The following DNAAF6 variants were observed in gnomAD, a reference collection of about 807,000 sequenced individuals.
DNAAF6 encodes dynein axonemal assembly factor 6.
Under a neutral mutation model 13.7 loss-of-function variants are expected in DNAAF6, and 3 were observed. The ratio of observed to expected loss-of-function variants is 0.22; its 90% CI spans 0.10 to 0.56. DNAAF6 has a LOEUF of 0.56. Among genes scored for constraint, DNAAF6 ranks in the 20% least tolerant of loss-of-function variants. DNAAF6 has a pLI of 0.92. For synonymous variants in DNAAF6, 54 were observed against 49.2 expected (o/e 1.10, Z -0.41); for missense variants, 130 against 151.0 (o/e 0.86, Z 0.73).
chrX:107,218,537 A>G (rs1453620025), intron 3 of DNAAF6, among the ~76,000 whole-genome samples: 1 of 110,953 alleles, frequency 9.0e-6, no homozygotes, highest in African/African-American at 3.3e-5. Context: ...GGAGAGAGAG[A>G]GAGAGAGAGA....
chrX:107,221,245 G>A (rs768374995), intron 4 of DNAAF6, among the ~76,000 whole-genome samples: 3 of 109,409 alleles, frequency 2.7e-5, no homozygotes, highest in Non-Finnish European at 5.7e-5. Flanking sequence ...AAAGTGCTGG[G>A]ATTACAGGCC....
chrX:107,208,192 G>A (rs1927756369), intron 1 of DNAAF6, among the ~76,000 whole-genome samples: 1 of 110,890 alleles, frequency 9.0e-6, no homozygotes, highest in Admixed American at 9.6e-5. Flanking sequence ...TCAGGAGTTC[G>A]AGACCCATCT....
chrX:107,209,397 T>C (rs1183508972), intron 1 of DNAAF6, among the ~76,000 whole-genome samples: 1 of 112,210 alleles, frequency 8.9e-6, no homozygotes, highest in African/African-American at 3.2e-5. Context: ...GATATATCTA[T>C]TTACTTAAAC....
At position 107,216,663 on chromosome X, in the gene DNAAF6, T is replaced by G. The variant is rs1183962971; in HGVS notation, c.154-8T>G. ...TTACAGAATATTGAACTTTTTCTCC[T>G]CCCTCAGACAAATGGTTTATCTACT... On this transcript the variant is annotated splice_polypyrimidine_tract_variant and splice_region_variant and intron_variant, in intron 2 of 6. Transcript: ENST00000372453. 1.3e-5 allele frequency: 15 copies of G among 1,170,201 alleles called. No homozygotes were observed. Among genetic ancestry groups the G allele is most frequent in the African/African-American group, 1.8e-5 (1 of 55,769 alleles).
intron 2 of DNAAF6, among the ~76,000 whole-genome samples, chrX:107,213,842 A>G (rs1927916832): frequency 8.9e-6 from 1 of 112,130 alleles, no homozygotes; most frequent in African/African-American, 3.2e-5. Flanking sequence ...CAATTTGCAT[A>G]AAATTATTTT....
At chrX:107,228,431 T>G (rs1400710674) in intron 5 of DNAAF6, among the ~76,000 whole-genome samples, 1 of 110,542 alleles carries the variant, frequency 9.0e-6, no homozygotes, top group East Asian at 2.8e-4. Context: ...AGGGGAGTTT[T>G]TTTAAGACAG....
intron 4 of DNAAF6, among the ~76,000 whole-genome samples, chrX:107,221,253 GC>G (rs889849191): frequency 9.2e-6 from 1 of 108,887 alleles, no homozygotes; most frequent in African/African-American, 3.4e-5. Flanking sequence ...GGGATTACAG[GC>G]CTGAGCCACA....
chrX:107,207,146 A>G (rs764838748), intron 1 of DNAAF6: 1 of 111,852 alleles, frequency 8.9e-6, no homozygotes, highest in South Asian at 3.8e-4. Context: ...TTATATGTGC[A>G]GGCACGATTT....
chrX:107,209,811 T>A lies in DNAAF6; in HGVS notation c.-3-3062T>A, dbSNP rs781711729. ...TAATAAAATCTATTATCTATTTGAA[T>A]AGTCTGTAATTCAGAGTTTTCACTA... is the stretch of plus-strand genomic sequence containing the variant. On this transcript the variant is annotated intron_variant, in intron 1 of 6. Coordinates refer to ENST00000372453, the MANE Select transcript of DNAAF6 (RefSeq NM_173494.2). 3.1e-3 allele frequency among the ~76,000 whole-genome samples: 344 copies of A among 112,357 alleles called. 2 individuals carry two copies. The highest frequency in any genetic ancestry group is 0.01 in the African/African-American group (318 of 31,011).
intron 6 of DNAAF6, 134 bp from the exon 7 acceptor site, chrX:107,243,035 A>G (rs1928655795): frequency 1.4e-6 from 1 of 703,270 alleles, no homozygotes; most frequent in South Asian, 2.9e-5. Flanking sequence ...TTTTGATCCA[A>G]TATTTACACT....
intron 2 of DNAAF6, among the ~76,000 whole-genome samples, chrX:107,215,799 T>TAA (rs1927963475): frequency 9.0e-6 from 1 of 111,720 alleles, no homozygotes; most frequent in Non-Finnish European, 1.9e-5. Context: ...GGCAAGGAGA[T>TAA]AAGAATTTTT....
At chrX:107,216,153 T>C (rs1330528344) in intron 2 of DNAAF6, among the ~76,000 whole-genome samples, 1 of 111,975 alleles carries the variant, frequency 8.9e-6, no homozygotes, top group Non-Finnish European at 1.9e-5. Context: ...GGGAAGTGTT[T>C]CATACCTATA....
intron 5 of DNAAF6, among the ~76,000 whole-genome samples, chrX:107,236,232 T>C (rs966535897): frequency 3.6e-5 from 4 of 112,352 alleles, no homozygotes; most frequent in Admixed American, 1.9e-4. Flanking sequence ...AGTTTCCCAA[T>C]GAATTTTTAA....
chrX:107,229,811 C>T (rs1197708902), intron 5 of DNAAF6, among the ~76,000 whole-genome samples: 4 of 110,681 alleles, frequency 3.6e-5, no homozygotes, highest in South Asian at 3.9e-4. Flanking sequence ...CCTCAGGCTC[C>T]GGAGTAGCTG....
intron 5 of DNAAF6, among the ~76,000 whole-genome samples, chrX:107,235,456 G>T (rs952652358): frequency 3.6e-5 from 4 of 111,074 alleles, no homozygotes; most frequent in African/African-American, 1.3e-4. Context: ...TCTAAAAAAG[G>T]CATTGCTTCT....
At position 107,218,859 on chromosome X, in the gene DNAAF6, C is replaced by G; in HGVS notation, c.227-5C>G. ...GCTTCAGCTTTATCTTCCCTTTCTT[C>G]ACAGTCATCCCTGAAACCAGCGAGG... On this transcript the variant is annotated splice_polypyrimidine_tract_variant and splice_region_variant and intron_variant, in intron 3 of 6. Transcript: ENST00000372453. 21 of 1,183,379 alleles carry G rather than the reference C, an allele frequency of 1.8e-5. No individual in the cohort carries two copies. Among genetic ancestry groups the G allele is most frequent in the Non-Finnish European group, 2.4e-5 (21 of 885,609 alleles).
intron 4 of DNAAF6, among the ~76,000 whole-genome samples, chrX:107,221,138 ATGTTTTTTG>A (rs767339058): frequency 4.6e-5 from 5 of 108,950 alleles, no homozygotes; most frequent in South Asian, 4.1e-4. Context: ...GGCCTGGCTA[ATGTTTTTTG>A]TGTTTTTTGT....
At chrX:107,213,719 C>T (rs899536636) in intron 2 of DNAAF6, among the ~76,000 whole-genome samples, 1 of 111,505 alleles carries the variant, frequency 9.0e-6, no homozygotes, top group Non-Finnish European at 1.9e-5. Flanking sequence ...TATATAACTC[C>T]CTGCTCTCCA....
At chrX:107,208,444 C>CA (rs1282065147) in intron 1 of DNAAF6, among the ~76,000 whole-genome samples, 1 of 108,147 alleles carries the variant, frequency 9.2e-6, no homozygotes, top group African/African-American at 3.3e-5. Flanking sequence ...AACAAAAAAA[C>CA]AAAAAAACCC....
Sources: gnomAD v4.1 joint callset for allele counts (sites outside exome capture counted in the v4.1 genomes callset) on GRCh38, gnomAD v4.1.1 for gene constraint, MANE v1.5 for transcripts, NCBI Gene and HGNC (gene_info 2026-07-23, HGNC 2026-07-21) for gene names.